The following KLHL26 variants were observed in gnomAD, a reference collection of about 807,000 sequenced individuals.
KLHL26 encodes the protein kelch like family member 26, also known as kelch-like protein 26.
A neutral mutation model predicts 7.1 loss-of-function variants in KLHL26; 4 were observed. The observed-to-expected ratio is 0.56, with a 90% confidence interval of 0.28 to 1.28. KLHL26 has a LOEUF of 1.28. Ranked by LOEUF, KLHL26 falls within the 50% of genes most tolerant of loss-of-function variation. The pLI is 0.11. For synonymous variants in KLHL26, 465 were observed against 414.1 expected, an observed-to-expected ratio of 1.12 and a Z score of -1.49; for missense variants, 896 against 924.6, an observed-to-expected ratio of 0.97 and a Z score of 0.40.
rs753539888 is a variant in KLHL26, at chr19:18,649,205, G to A, written c.83+12068G>A. Among the ~76,000 whole-genome samples, 44 of 152,230 alleles carry A rather than the reference G, an allele frequency of 2.9e-4. No individual in the cohort carries two copies. The highest frequency in any genetic ancestry group is 5.4e-4 in the Non-Finnish European group (37 of 68,050). On this transcript the variant is annotated intron_variant, in intron 1 of 2. Coordinates refer to ENST00000300976, the MANE Select transcript of KLHL26 (RefSeq NM_018316.3). This position sits in a 1 kb window ranked among gnomAD's most constrained non-coding sequence, Gnocchi z 4.0. ...TCTCTGCTTGAGGACCCATGTCCCT[G>A]TAGAATGTACGTTCCCCAAGGGCAG...
At chr19:18,661,588 C>G (rs1373510443) in intron 1 of KLHL26, among the ~76,000 whole-genome samples, 1 of 152,168 alleles carries the variant, frequency 6.6e-6, no homozygotes, top group Non-Finnish European at 1.5e-5. Context: ...GCCTCCTCAC[C>G]CATCTATAGG....
At position 18,656,770 on chromosome 19, in the gene KLHL26, T is replaced by C. The variant is rs1163590701; in HGVS notation, c.84-7491T>C. On this transcript the variant is annotated intron_variant, in intron 1 of 2. Transcript: ENST00000300976. The surrounding 1 kb of genome is among the most constrained non-coding windows in gnomAD (Gnocchi z 4.4). ...CGCGAGGTTAGGGTGGCTCTGACCC[T>C]GCCTGGCCTGCCCAGCACGCCTGCC... 1.3e-5 allele frequency among the ~76,000 whole-genome samples: 2 copies of C among 152,112 alleles called. No homozygotes were observed. The highest frequency in any genetic ancestry group is 6.5e-5 in the Admixed American group (1 of 15,278).
rs1976877448 is a variant in KLHL26 at position 18,650,099 on chromosome 19, C to T, written c.83+12962C>T. On this transcript the variant is annotated intron_variant, in intron 1 of 2. Transcript: ENST00000300976. The surrounding 1 kb of genome is among the most constrained non-coding windows in gnomAD (Gnocchi z 4.2). The stretch of plus-strand genomic sequence containing the variant: ...GGGTGGACCTTCAGGCTTGTAAAGG[C>T]CTGGAGGGGGGTCACCCGAGGATCG... 6.6e-6 allele frequency among the ~76,000 whole-genome samples: 1 copy of T among 152,196 alleles called. No homozygotes were observed.
chr19:18,640,188 G>C (rs958839317), intron 1 of KLHL26, among the ~76,000 whole-genome samples: 4 of 151,862 alleles, frequency 2.6e-5, no homozygotes, highest in Admixed American at 1.3e-4. Flanking sequence ...TCATCCTCTT[G>C]GGTAAATACT....
rs1300367138 is a variant in KLHL26 at position 18,669,269 on chromosome 19, G to T, written c.*24G>T. On this transcript the variant is annotated 3_prime_UTR_variant, in exon 3 of 3. Transcript: ENST00000300976. ...AGCCCCCAAGACCCCCGGGACCCTG[G>T]CCTGACCGCATGTTGTCTCCAAGTG... 5 of 1,574,570 alleles carry T rather than the reference G, an allele frequency of 3.2e-6. No homozygotes were observed. Among genetic ancestry groups the T allele is most frequent in the Non-Finnish European group, 3.5e-6 (4 of 1,157,784 alleles).
intron 1 of KLHL26, among the ~76,000 whole-genome samples, chr19:18,658,481 C>CTCTCTGGGTCTCTGTCTCCCTG (rs1487824723): frequency 2.6e-5 from 4 of 152,060 alleles, no homozygotes; most frequent in African/African-American, 7.2e-5. Context: ...CTCTCCTTGT[C>CTCTCTGGGTCTCTGTCTCCCTG]TCTCTGGGTC....
At position 18,668,773 on chromosome 19, in the gene KLHL26, G is replaced by A. The variant is rs750370323; in HGVS notation, c.1376G>A (p.Gly459Glu). Residue 459 changes from glycine to glutamate, a missense_variant, in exon 3 of 3, where the codon GGG (glycine) becomes GAG (glutamate). By Grantham distance (98) the Gly-to-Glu change is moderately conservative (BLOSUM62 -2). Transcript: ENST00000300976. ...TGGGGCCATGCTGGGGCCGCCTCAGGGGGCCGCCTCTACATCTCGGGTGGC... is the reference window on the plus strand; with the variant it reads ...TGGGGCCATGCTGGGGCCGCCTCAGAGGGCCGCCTCTACATCTCGGGTGGC... ...RTWGHAGAASGGRLYISGGYG... is the reference protein window; with the variant it reads ...RTWGHAGAASEGRLYISGGYG... 77 of 1,594,574 alleles carry A rather than the reference G, an allele frequency of 4.8e-5. No homozygotes were observed. The highest frequency in any genetic ancestry group is 6.3e-5 in the Non-Finnish European group (74 of 1,177,270).
At position 18,669,312 on chromosome 19, in the gene KLHL26, G is replaced by A. The variant is rs750523971; in HGVS notation, c.*67G>A. ...TCCAAGTGGGGCTTGGCGAATGCAC[G>A]TCTGCCTGAGAACCCCAGTGCCCCC... On this transcript the variant is annotated 3_prime_UTR_variant, in exon 3 of 3. Transcript: ENST00000300976. The A allele has an allele frequency of 6.9e-6, 9 of 1,312,860 alleles. No individual in the cohort carries two copies. The highest frequency in any genetic ancestry group is 1.3e-5 in the South Asian group (1 of 78,070). The allele number at this position is 1,312,860 out of a possible 1,614,324, so 81.3% of individuals were successfully genotyped here.
At chr19:18,660,368 G>A (rs1046855210) in intron 1 of KLHL26, among the ~76,000 whole-genome samples, 2 of 152,246 alleles carry the variant, frequency 1.3e-5, no homozygotes, top group African/African-American at 2.4e-5. Flanking sequence ...TGCAGCCAGG[G>A]CGGGCAGCAA....
rs926804094 is a variant in KLHL26 at position 18,650,579 on chromosome 19, G to A, written c.83+13442G>A. 2.6e-5 allele frequency among the ~76,000 whole-genome samples: 4 copies of A among 152,136 alleles called. No individual in the cohort carries two copies. Among genetic ancestry groups the A allele is most frequent in the African/African-American group, 9.7e-5 (4 of 41,414 alleles). ...CTCGTGGCTCTCTGTCGTGTGAAGC[G>A]GGGGGTCAGGAGCGCACAAATGTTT... is the stretch of plus-strand genomic sequence containing the variant. On this transcript the variant is annotated intron_variant, in intron 1 of 2. Coordinates refer to ENST00000300976, the MANE Select transcript of KLHL26 (RefSeq NM_018316.3). This position sits in a 1 kb window ranked among gnomAD's most constrained non-coding sequence, Gnocchi z 4.2.
At position 18,669,658 on chromosome 19, in the gene KLHL26, G is replaced by A. The variant is rs112074537; in HGVS notation, c.*413G>A. On this transcript the variant is annotated 3_prime_UTR_variant, in exon 3 of 3. Transcript: ENST00000300976. ...GCTCATCAACATTGAACCCAAAGTC[G>A]GTGGTATATGACTCACCCTCCTTCC... The A allele has an allele frequency of 2.1e-4, 72 of 341,374 alleles. No homozygotes were observed. The East Asian group carries it at 2.4e-3, about 11-fold the overall frequency. The allele number at this position is 341,374 out of a possible 1,614,324, so 21.1% of individuals were successfully genotyped here. A position where few individuals can be genotyped will look rare whatever the true frequency, so the allele number is the denominator to read the frequency against.
rs1026006131 is a variant in KLHL26 at position 18,669,334 on chromosome 19, C to T, written c.*89C>T. The T allele has an allele frequency of 3.8e-6, 4 of 1,048,894 alleles. No individual in the cohort carries two copies. Among genetic ancestry groups the T allele is most frequent in the East Asian group, 2.4e-5 (1 of 41,980 alleles). The allele number at this position is 1,048,894 out of a possible 1,614,324, so 65.0% of individuals were successfully genotyped here. On this transcript the variant is annotated 3_prime_UTR_variant, in exon 3 of 3. Coordinates refer to ENST00000300976, the MANE Select transcript of KLHL26 (RefSeq NM_018316.3). ...CACGTCTGCCTGAGAACCCCAGTGC[C>T]CCCCTTCGCCCGGGCTGCCCTTGAG...
intron 1 of KLHL26, among the ~76,000 whole-genome samples, chr19:18,644,237 C>T (rs1976763353): frequency 6.6e-6 from 1 of 152,222 alleles, no homozygotes. Context: ...TAAATCAGCA[C>T]TTCATTCCTT....
chr19:18,668,438 G>A lies in KLHL26; in HGVS notation c.1041G>A (p.Met347Ile). The A allele has an allele frequency of 6.2e-7, 1 of 1,611,472 alleles. No individual in the cohort carries two copies. The highest frequency in any genetic ancestry group is 1.1e-5 in the South Asian group (1 of 91,062). ...GARHFRELTEMEVGCSHTCVA... is the reference protein window; with the variant it reads ...GARHFRELTEIEVGCSHTCVA... ...GCCACTTCCGCGAGCTCACGGAGAT[G>A]GAGGTAGGCTGCAGCCACACGTGCG... Residue 347 changes from methionine (M) to isoleucine (I), a missense_variant, in exon 3 of 3, where the codon ATG becomes ATA. Coordinates refer to ENST00000300976, the MANE Select transcript of KLHL26 (RefSeq NM_018316.3).
chr19:18,661,538 CG>C (rs2052391752), intron 1 of KLHL26, among the ~76,000 whole-genome samples: 1 of 152,152 alleles, frequency 6.6e-6, no homozygotes, highest in Non-Finnish European at 1.5e-5. Flanking sequence ...GCAGCCTTGA[CG>C]TCATCCCCTG....
At chr19:18,641,951 A>G (rs1038321841) in intron 1 of KLHL26, among the ~76,000 whole-genome samples, 1 of 152,084 alleles carries the variant, frequency 6.6e-6, no homozygotes, top group Non-Finnish European at 1.5e-5. Context: ...CATCTTTGTC[A>G]TTCTCCCCTA....
In KLHL26 at chr19:18,668,903, C is replaced by T; in HGVS notation, c.1506C>T (p.Ala502=). ...APMSEPRVLH[A]MVGAGGRIYA... The stretch of plus-strand genomic sequence containing the variant: ...TGAGCGAACCCCGCGTGCTACACGC[C>T]ATGGTGGGTGCCGGCGGCCGCATCT... The change falls in exon 3 of 3, where the codon GCC becomes GCT. Residue 502 remains alanine, a synonymous_variant. Transcript: ENST00000300976. 1.2e-6 allele frequency: 2 copies of T among 1,603,872 alleles called. No homozygotes were observed. The highest frequency in any genetic ancestry group is 2.2e-5 in the East Asian group (1 of 44,870).
Position 18,669,630 on chromosome 19 carries a change from T to G in KLHL26, c.*385T>G. On this transcript the variant is annotated 3_prime_UTR_variant, in exon 3 of 3. Coordinates refer to ENST00000300976, the MANE Select transcript of KLHL26 (RefSeq NM_018316.3). ...CCCCACGGTTTCAGGCATTCAGATG[T>G]GAGCTCATCAACATTGAACCCAAAG... The G allele has an allele frequency of 2.3e-6, 1 of 429,382 alleles. No homozygotes were observed. Among genetic ancestry groups the G allele is most frequent in the Non-Finnish European group, 4.1e-6 (1 of 241,060 alleles). 26.6% of individuals were successfully genotyped at this position (429,382 alleles called of 1,614,324 possible).
chr19:18,668,064 G>A lies in KLHL26; in HGVS notation c.667G>A (p.Glu223Lys), dbSNP rs750343388. Reference protein sequence around the residue: ...LQSNRLQSCAEIDLFRAAVRW... With the variant: ...LQSNRLQSCAKIDLFRAAVRW... ...GAGCAACCGGCTGCAGAGCTGTGCC[G>A]AGATCGACCTGTTCCGCGCGGCCGT... The change falls in exon 3 of 3, where the codon GAG (glutamate) becomes AAG (lysine). Residue 223 changes from glutamate to lysine, a missense_variant. By Grantham distance (56) the Glu-to-Lys change is moderately conservative. Coordinates refer to ENST00000300976, the MANE Select transcript of KLHL26 (RefSeq NM_018316.3). 1.2e-6 allele frequency: 2 copies of A among 1,607,232 alleles called. No individual in the cohort carries two copies. Among genetic ancestry groups the A allele is most frequent in the Admixed American group, 1.7e-5 (1 of 60,028 alleles).
Sources: gnomAD v4.1 joint callset for allele counts (sites outside exome capture counted in the v4.1 genomes callset) on GRCh38, gnomAD v4.1.1 for gene constraint, Gnocchi (gnomAD v3.1) non-coding constraint, MANE v1.5 for transcripts, NCBI Gene and HGNC (gene_info 2026-07-23, HGNC 2026-07-21) for gene names.